The following GOSR2 variants were observed in gnomAD, a reference collection of about 807,000 sequenced individuals.
GOSR2 encodes the protein golgi SNAP receptor complex member 2.
A neutral mutation model predicts 27.9 loss-of-function variants in GOSR2; 20 were observed. That is an observed-to-expected ratio of 0.72 (90% CI 0.50 to 1.04). The LOEUF (loss-of-function observed/expected upper bound fraction) is 1.04. Among genes scored for constraint, GOSR2 ranks in the 50% least tolerant of loss-of-function variants. The pLI, the probability that GOSR2 is intolerant of heterozygous loss-of-function variation, is 0.00. For missense variants in GOSR2, 261 were observed against 270.5 expected (o/e 0.97, Z 0.25); for synonymous variants, 91 against 98.8 (o/e 0.92, Z 0.47).
At chr17:46,967,341 C>A (rs2091345607), downstream of GOSR2, among the ~76,000 whole-genome samples, 5 of 152,202 alleles carry the variant, frequency 3.3e-5, no homozygotes, top group South Asian at 8.3e-4. Flanking sequence ...AAAATGGTAA[C>A]AGGAGAGTTA....
chr17:46,952,754 C>G (rs1252266164), intron 6 of GOSR2: 1 of 152,162 alleles, frequency 6.6e-6, no homozygotes, highest in Non-Finnish European at 1.5e-5. Flanking sequence ...TCAGTTAAGT[C>G]CCTGGATTGA....
At chr17:46,944,234 T>A (rs946519921), downstream of GOSR2, among the ~76,000 whole-genome samples, 1 of 152,172 alleles carries the variant, frequency 6.6e-6, no homozygotes, top group Non-Finnish European at 1.5e-5. Context: ...GGGAAGGAGT[T>A]GGAGACAAGC....
At position 46,932,110 on chromosome 17, in the gene GOSR2, G is replaced by A. The variant is rs920586501; in HGVS notation, c.247G>A (p.Ala83Thr). 3 of 1,613,634 alleles carry A rather than the reference G, an allele frequency of 1.9e-6. No homozygotes were observed. Among genetic ancestry groups the A allele is most frequent in the Admixed American group, 1.7e-5 (1 of 60,024 alleles). ...GTATGATGTCCAGCACCTGCAGACT[G>A]CGCTCAGAAACTTCCAGCATCGGCG... ...LKYDVQHLQT[A>T]LRNFQHRRHA... Residue 83 changes from alanine (A) to threonine (T), a missense_variant, in exon 4 of 6, where the codon GCG becomes ACG. Transcript: ENST00000640051.
intron 1 of GOSR2, among the ~76,000 whole-genome samples, chr17:46,927,861 G>A (rs1023370004): frequency 2.0e-5 from 3 of 151,734 alleles, no homozygotes; most frequent in African/African-American, 7.3e-5. Context: ...TTTTTATTAT[G>A]TCACTGTTCG....
chr17:46,957,728 G>A (rs527600900), intron 6 of GOSR2, among the ~76,000 whole-genome samples: 44 of 152,330 alleles, frequency 2.9e-4, no homozygotes, highest in Non-Finnish European at 5.1e-4. Context: ...GAAGGGAATT[G>A]ATGGCAGCCC....
Position 46,941,957 on chromosome 17 carries a change from A to G in GOSR2, c.*3197A>G, listed in dbSNP as rs2089337559. 1 of 985,114 alleles carries G rather than the reference A, an allele frequency of 1.0e-6. No homozygotes were observed. Among genetic ancestry groups the G allele is most frequent in the South Asian group, 4.7e-5 (1 of 21,278 alleles). 61.0% of individuals were successfully genotyped at this position (985,114 alleles called of 1,614,324 possible). A position where few individuals can be genotyped will look rare whatever the true frequency, so the allele number is the denominator to read the frequency against. ...ACAGAAAGCTTCTGTCTCAAAGATG[A>G]TCACATTGGTGTAAAGAGCAAAACT... On this transcript the variant is annotated 3_prime_UTR_variant, in exon 6 of 6. Coordinates refer to ENST00000640051, the MANE Select transcript of GOSR2 (RefSeq NM_004287.5).
intron 1 of GOSR2, 108 bp downstream of exon 1, chr17:46,923,329 T>C: frequency 1.3e-6 from 2 of 1,536,840 alleles, no homozygotes; most frequent in Non-Finnish European, 1.8e-6. Flanking sequence ...GCCGAGTTTT[T>C]CCGCCAGGGC....
chr17:46,938,781 GAA>G lies in GOSR2; in HGVS notation c.*22_*23del. 1 of 1,613,478 alleles carries G rather than the reference GAA, an allele frequency of 6.2e-7. No individual in the cohort carries two copies. The highest frequency in any genetic ancestry group is 8.5e-7 in the Non-Finnish European group (1 of 1,179,964). ...CATGAGCCAGCCACGCTCAGTGGCT[GAA>G]CAGCATTCCCACAGCCTGCAAGTGT... On this transcript the variant is annotated 3_prime_UTR_variant, in exon 6 of 6. Transcript: ENST00000640051.
At chr17:46,971,194 A>T (rs2147343834), downstream of GOSR2, among the ~76,000 whole-genome samples, 1 of 152,214 alleles carries the variant, frequency 6.6e-6, no homozygotes, top group East Asian at 1.9e-4. Context: ...AAAATGAGCC[A>T]GGCATGGTGG....
chr17:46,942,416 ACTGTGAAG>A (rs1568191428), downstream of GOSR2, among the ~76,000 whole-genome samples: 1 of 152,170 alleles, frequency 6.6e-6, no homozygotes, highest in African/African-American at 2.4e-5. Context: ...AGCTGTGGTG[ACTGTGAAG>A]GCCTCACAGG....
Position 46,932,200 on chromosome 17 carries a change from G to A in GOSR2, c.336+1G>A, listed in dbSNP as rs141554661. 2.3e-4 allele frequency: 364 copies of A among 1,613,850 alleles called. No individual in the cohort carries two copies. Among genetic ancestry groups the A allele is most frequent in the Non-Finnish European group, 2.9e-4 (339 of 1,180,008 alleles). ...TCTGTCTCGAACCTTCACCACTAACGTAAGCCAGGCCCGTGGTGAGGGTCG... is the reference window on the plus strand; with the variant it reads ...TCTGTCTCGAACCTTCACCACTAACATAAGCCAGGCCCGTGGTGAGGGTCG... On this transcript the variant is annotated splice_donor_variant, in intron 4 of 5. Coordinates refer to ENST00000640051, the MANE Select transcript of GOSR2 (RefSeq NM_004287.5). LOFTEE classifies it high-confidence loss of function.
intron 5 of GOSR2, chr17:46,936,783 A>G (rs2088457679): frequency 1.0e-6 from 1 of 983,266 alleles, no homozygotes; most frequent in Non-Finnish European, 1.2e-6. Context: ...ATCTCGGGGA[A>G]AAAAAAATAC....
intron 6 of GOSR2, among the ~76,000 whole-genome samples, chr17:46,962,576 A>G (rs1024025459): frequency 1.3e-5 from 2 of 152,208 alleles, no homozygotes; most frequent in East Asian, 1.9e-4. Flanking sequence ...AAGTATAGCT[A>G]TGCTGCTGTC....
intron 6 of GOSR2, among the ~76,000 whole-genome samples, chr17:46,973,966 G>T (rs1257342845): frequency 6.6e-6 from 1 of 152,160 alleles, no homozygotes; most frequent in African/African-American, 2.4e-5. Context: ...CTGAGTTGGG[G>T]TCTGGGGAGG....
downstream of GOSR2, among the ~76,000 whole-genome samples, chr17:46,967,594 G>A (rs1055438103): frequency 6.6e-6 from 1 of 152,194 alleles, no homozygotes; most frequent in African/African-American, 2.4e-5. Context: ...ACTCTGCAGT[G>A]TTCTCTGGGT....
chr17:46,935,907 GT>G (rs2088249583), intron 5 of GOSR2: 1 of 985,826 alleles, frequency 1.0e-6, no homozygotes, highest in Non-Finnish European at 1.2e-6. Context: ...TCAGGGTGTG[GT>G]CCCCTGTGAA....
chr17:46,935,368 C>T, intron 5 of GOSR2, 199 bp downstream of exon 5: 2 of 1,447,068 alleles, frequency 1.4e-6, no homozygotes, highest in Non-Finnish European at 1.8e-6. Flanking sequence ...TTTGCCAGTG[C>T]TTGAAACAAA....
chr17:46,946,461 C>CAAA (rs61284512), downstream of GOSR2, among the ~76,000 whole-genome samples: 9 of 98,992 alleles, frequency 9.1e-5, no homozygotes, highest in Admixed American at 2.1e-4. Context: ...AACTCCGTCT[C>CAAA]AAAAAAAAAA....
At chr17:46,936,064 G>C in intron 5 of GOSR2, 1 of 985,862 alleles carries the variant, frequency 1.0e-6, no homozygotes, top group Non-Finnish European at 1.2e-6. Context: ...CTACGGGGGA[G>C]AGGGTCAGGC....
Sources: allele counts gnomAD v4.1 joint callset (sites outside exome capture counted in the v4.1 genomes callset), GRCh38; gene constraint gnomAD v4.1.1; transcripts MANE v1.5; gene names NCBI Gene and HGNC (gene_info 2026-07-23, HGNC 2026-07-21).